ZNF804A: variants seen among roughly 807,000 people sequenced by gnomAD.
ZNF804A encodes zinc finger protein 804A.
ZNF804A carries 2 observed loss-of-function variants against 16.5 expected under a neutral mutation model. The observed-to-expected ratio is 0.12, with a 90% CI of 0.05 to 0.38. The LOEUF is 0.38. ZNF804A is among the 10% of genes least tolerant of loss of function. ZNF804A has a pLI of 0.99. For missense variants in ZNF804A, 1,473 were observed against 1,390.7 expected, an observed-to-expected ratio of 1.06 and a Z score of -0.94; for synonymous variants, 534 against 489.6, an observed-to-expected ratio of 1.09 and a Z score of -1.20.
intron 1 of ZNF804A, among the ~76,000 whole-genome samples, chr2:184,785,483 A>C (rs1694433335): frequency 6.6e-6 from 1 of 151,946 alleles, no homozygotes; most frequent in South Asian, 2.1e-4. Context: ...TCCTGATATT[A>C]TGGAGGTGTA....
Position 184,615,131 on chromosome 2 carries a change from C to A in ZNF804A, c.111+16061C>A, listed in dbSNP as rs563132088. 1.2e-4 allele frequency among the ~76,000 whole-genome samples: 19 copies of A among 152,306 alleles called. No individual in the cohort carries two copies. In the South Asian group the frequency reaches 1.7e-3, roughly 13 times the overall value. On this transcript the variant is annotated intron_variant, in intron 1 of 3. Transcript: ENST00000302277. ...ATTCACAATAGCAAAGACTTGGAAC[C>A]AATCCAAATGCCCATCAATGATAGA...
At chr2:184,615,509 C>G (rs1559108830) in intron 1 of ZNF804A, among the ~76,000 whole-genome samples, 1 of 152,202 alleles carries the variant, frequency 6.6e-6, no homozygotes, top group East Asian at 1.9e-4. Flanking sequence ...TATATGGTAA[C>G]TCTGCTAAAT....
At chr2:184,703,913 T>C (rs1044893733) in intron 1 of ZNF804A, among the ~76,000 whole-genome samples, 3 of 151,958 alleles carry the variant, frequency 2.0e-5, no homozygotes, top group African/African-American at 7.2e-5. Flanking sequence ...AAACTAGAAG[T>C]TCAACATGAT....
At chr2:184,920,284 C>G (rs1559003114) in intron 2 of ZNF804A, among the ~76,000 whole-genome samples, 1 of 152,178 alleles carries the variant, frequency 6.6e-6, no homozygotes, top group African/African-American at 2.4e-5. Flanking sequence ...TTTCCCCACT[C>G]TTTTAAAACT....
At chr2:184,841,212 G>T (rs1001046757) in intron 1 of ZNF804A, among the ~76,000 whole-genome samples, 1 of 152,088 alleles carries the variant, frequency 6.6e-6, no homozygotes, top group Non-Finnish European at 1.5e-5. Flanking sequence ...GTTCATTCCT[G>T]ATTTGTTCTC....
chr2:184,931,463 C>T (rs556295031), intron 2 of ZNF804A, among the ~76,000 whole-genome samples: 1 of 152,344 alleles, frequency 6.6e-6, no homozygotes, highest in African/African-American at 2.4e-5. Flanking sequence ...GCCACCAAGA[C>T]TTCGGGCTTG....
At chr2:184,618,614 C>G (rs1340759300) in intron 1 of ZNF804A, among the ~76,000 whole-genome samples, 1 of 152,078 alleles carries the variant, frequency 6.6e-6, no homozygotes. Flanking sequence ...ACCAAACCCC[C>G]TGTAAACCTA....
At chr2:184,916,439 T>C (rs1423330532) in intron 2 of ZNF804A, among the ~76,000 whole-genome samples, 6 of 152,146 alleles carry the variant, frequency 3.9e-5, no homozygotes, top group Non-Finnish European at 2.9e-5. Flanking sequence ...TTACATATCA[T>C]ATGAGGAGAC....
At chr2:184,906,590 C>A (rs1558998971) in intron 2 of ZNF804A, among the ~76,000 whole-genome samples, 1 of 152,078 alleles carries the variant, frequency 6.6e-6, no homozygotes, top group Non-Finnish European at 1.5e-5. Flanking sequence ...CATGAGCCAC[C>A]ATGCCTGGAA....
rs193160022 is a variant in ZNF804A, at chr2:184,851,969, G to C, written c.112-14400G>C. 5.8e-4 allele frequency among the ~76,000 whole-genome samples: 88 copies of C among 151,476 alleles called. 1 individual carries two copies. Among genetic ancestry groups the C allele is most frequent in the Admixed American group, 1.5e-3 (22 of 15,144 alleles). ...AGCATTTTGTTTCATATATCTTTGG[G>C]GCATTCGTATGTCTTCTTCTGAAAA... On this transcript the variant is annotated intron_variant, in intron 1 of 3. Transcript: ENST00000302277.
At chr2:184,875,691 G>T (rs531888828) in intron 2 of ZNF804A, among the ~76,000 whole-genome samples, 7 of 150,252 alleles carry the variant, frequency 4.7e-5, no homozygotes, top group African/African-American at 1.5e-4. Context: ...CTTTCTAAGT[G>T]ATTCTTTCAT....
At chr2:184,667,918 C>G (rs772959142) in intron 1 of ZNF804A, among the ~76,000 whole-genome samples, 1 of 151,584 alleles carries the variant, frequency 6.6e-6, no homozygotes, top group Non-Finnish European at 1.5e-5. Context: ...AAGTCTATTT[C>G]AAAATAATGA....
intron 1 of ZNF804A, among the ~76,000 whole-genome samples, chr2:184,806,037 A>G (rs192859766): frequency 5.1e-4 from 78 of 152,086 alleles, no homozygotes; most frequent in Non-Finnish European, 4.4e-5. Flanking sequence ...TAGAAGACAA[A>G]TTTATATCAA....
intron 2 of ZNF804A, among the ~76,000 whole-genome samples, chr2:184,928,666 C>T (rs1049972026): frequency 6.6e-6 from 1 of 152,184 alleles, no homozygotes; most frequent in Non-Finnish European, 1.5e-5. Context: ...CCCCAGAGCC[C>T]TCTGGCCCAA....
intron 1 of ZNF804A, among the ~76,000 whole-genome samples, chr2:184,727,227 A>C (rs892501776): frequency 2.6e-5 from 4 of 151,594 alleles, no homozygotes; most frequent in Non-Finnish European, 5.9e-5. Flanking sequence ...ATACCACATT[A>C]ACCTTTCTCA....
At chr2:184,691,928 A>C (rs1692736724) in intron 1 of ZNF804A, among the ~76,000 whole-genome samples, 1 of 152,128 alleles carries the variant, frequency 6.6e-6, no homozygotes, top group Non-Finnish European at 1.5e-5. Context: ...TGAGAGAAGC[A>C]ATGAAAGATC....
At chr2:184,804,090 T>G (rs1252039582) in intron 1 of ZNF804A, among the ~76,000 whole-genome samples, 1 of 152,104 alleles carries the variant, frequency 6.6e-6, no homozygotes, top group African/African-American at 2.4e-5. Flanking sequence ...GGTCTTGAAC[T>G]CCTGACCTCT....
intron 1 of ZNF804A, among the ~76,000 whole-genome samples, chr2:184,746,990 T>G (rs904627083): frequency 2.0e-5 from 3 of 151,364 alleles, no homozygotes; most frequent in African/African-American, 7.3e-5. Context: ...ATGTTTTACT[T>G]GAAGCTCTGA....
chr2:184,907,238 A>G (rs1342846311), intron 2 of ZNF804A, among the ~76,000 whole-genome samples: 6 of 152,178 alleles, frequency 3.9e-5, no homozygotes, highest in Admixed American at 3.3e-4. Flanking sequence ...ACACAGCAGT[A>G]GAAAACTAGC....
Sources: gnomAD v4.1 joint callset for allele counts (sites outside exome capture counted in the v4.1 genomes callset) on GRCh38, gnomAD v4.1.1 for gene constraint, MANE v1.5 for transcripts, NCBI Gene and HGNC (gene_info 2026-07-23, HGNC 2026-07-21) for gene names.